Variants in LRBA observed in about 807,000 individuals in gnomAD.
The protein encoded by LRBA is lipopolysaccharide-responsive and beige-like anchor protein.
A neutral mutation model predicts 330.0 loss-of-function variants in LRBA; 176 were observed. That is an observed-to-expected ratio of 0.53 (90% confidence interval 0.47 to 0.60). The LOEUF (loss-of-function observed/expected upper bound fraction) is 0.60. Ranked by LOEUF, LRBA falls within the 20% of genes least tolerant of loss-of-function variation. The pLI, the probability that LRBA is intolerant of heterozygous loss-of-function variation, is 0.00. For missense variants in LRBA, 3,259 were observed against 3,444.8 expected (o/e 0.95, Z 1.35); for synonymous variants, 1,230 against 1,193.0 (o/e 1.03, Z -0.64).
intron 47 of LRBA, among the ~76,000 whole-genome samples, chr4:150,379,712 C>T (rs1250288119): frequency 3.3e-5 from 5 of 152,168 alleles, no homozygotes; most frequent in Non-Finnish European, 5.9e-5. Context: ...TGAATAACAT[C>T]TTCTGCTGCA....
At position 150,710,499 on chromosome 4, in the gene LRBA, T is replaced by C. The variant is rs143395213; in HGVS notation, c.5754+24759A>G. ...GATAATAAACAAATGCTAACAAAAA[T>C]AGGGGGAAGAGGTCCTCAGAAATAT... On this transcript the variant is annotated intron_variant, in intron 36 of 56. Transcript: ENST00000651943. Among the ~76,000 whole-genome samples the C allele has an allele frequency of 7.8e-3, 1,185 of 151,442 alleles. 9 individuals are homozygous for C. Among genetic ancestry groups the C allele is most frequent in the African/African-American group, 0.027 (1,119 of 41,296 alleles).
At chr4:150,474,820 C>T (rs953140819) in intron 42 of LRBA, among the ~76,000 whole-genome samples, 2 of 152,170 alleles carry the variant, frequency 1.3e-5, no homozygotes, top group Middle Eastern at 3.4e-3. Flanking sequence ...TCCAGTGTAA[C>T]GCTGAATAGA....
chr4:150,930,176 G>A (rs984131309), intron 2 of LRBA, among the ~76,000 whole-genome samples: 4 of 152,064 alleles, frequency 2.6e-5, no homozygotes, highest in East Asian at 1.9e-4. Flanking sequence ...TTAGCTGGGC[G>A]TGGTGGCATG....
chr4:150,296,297 T>A (rs1289093179), intron 53 of LRBA, among the ~76,000 whole-genome samples: 1 of 152,176 alleles, frequency 6.6e-6, no homozygotes, highest in African/African-American at 2.4e-5. Context: ...GTCTCTCAGT[T>A]GTGCAAAGTT....
intron 40 of LRBA, among the ~76,000 whole-genome samples, chr4:150,519,643 AG>A (rs1457550316): frequency 6.6e-6 from 1 of 152,204 alleles, no homozygotes. Context: ...CTAAGAATAA[AG>A]TTGATGTAAA....
At chr4:150,692,307 C>T (rs1784212431) in intron 36 of LRBA, among the ~76,000 whole-genome samples, 1 of 152,092 alleles carries the variant, frequency 6.6e-6, no homozygotes, top group Non-Finnish European at 1.5e-5. Context: ...AAACCTCAAT[C>T]TCTTGGGCTC....
At chr4:150,582,338 C>G (rs985723322) in intron 40 of LRBA, 1 of 151,856 alleles carries the variant, frequency 6.6e-6, no homozygotes, top group Non-Finnish European at 1.5e-5. Context: ...AAGAGGAAAA[C>G]TGCGATAACA....
At chr4:150,265,834 G>A in intron 56 of LRBA, 22 bp from the exon 57 acceptor site, 1 of 1,480,742 alleles carries the variant, frequency 6.8e-7, no homozygotes, top group Non-Finnish European at 9.4e-7. Flanking sequence ...ACAGAGAGAA[G>A]GACTTTTACA....
At chr4:150,733,288 T>C (rs1730728065) in intron 36 of LRBA, among the ~76,000 whole-genome samples, 1 of 152,050 alleles carries the variant, frequency 6.6e-6, no homozygotes, top group Non-Finnish European at 1.5e-5. Context: ...ATCCTGCCAA[T>C]GTTAATTTTC....
intron 47 of LRBA, among the ~76,000 whole-genome samples, chr4:150,380,585 A>C (rs951471101): frequency 5.3e-5 from 8 of 152,310 alleles, no homozygotes; most frequent in African/African-American, 1.9e-4. Flanking sequence ...AAAAAAAAAA[A>C]AATTGCAGTT....
At chr4:150,293,500 T>C (rs117879491) in intron 53 of LRBA, among the ~76,000 whole-genome samples, 6 of 152,318 alleles carry the variant, frequency 3.9e-5, no homozygotes, top group East Asian at 3.9e-4. Flanking sequence ...ATATAGACTA[T>C]AGATGATAAG....
chr4:150,391,197 G>A (rs1743871846), intron 47 of LRBA, among the ~76,000 whole-genome samples: 1 of 152,158 alleles, frequency 6.6e-6, no homozygotes, highest in Admixed American at 6.5e-5. Context: ...CGGGGTGACT[G>A]CAAAAGAACA....
chr4:150,433,704 A>G (rs1002241147), intron 46 of LRBA, among the ~76,000 whole-genome samples: 17 of 152,144 alleles, frequency 1.1e-4, no homozygotes, highest in African/African-American at 3.6e-4. Context: ...AAAGAGTTAC[A>G]TAAGTAATTA....
intron 40 of LRBA, among the ~76,000 whole-genome samples, chr4:150,538,825 A>AC (rs1707024094): frequency 6.6e-6 from 1 of 151,812 alleles, no homozygotes; most frequent in Non-Finnish European, 1.5e-5. Flanking sequence ...AAAAAAAAAA[A>AC]AAAAACAAAA....
At chr4:150,432,440 A>C (rs892149574) in intron 46 of LRBA, among the ~76,000 whole-genome samples, 1 of 141,590 alleles carries the variant, frequency 7.1e-6, no homozygotes, top group Non-Finnish European at 1.5e-5. Context: ...TATTACAGTA[A>C]TTTAAGTGTG....
At chr4:150,514,180 C>T (rs1762106520) in intron 40 of LRBA, among the ~76,000 whole-genome samples, 1 of 152,220 alleles carries the variant, frequency 6.6e-6, no homozygotes, top group African/African-American at 2.4e-5. Context: ...TCAAGTGATT[C>T]TCCTGCCTCA....
At chr4:150,424,158 A>G (rs1749222745) in intron 46 of LRBA, among the ~76,000 whole-genome samples, 1 of 152,220 alleles carries the variant, frequency 6.6e-6, no homozygotes, top group Non-Finnish European at 1.5e-5. Flanking sequence ...GAGGAGAGAG[A>G]TTATTAAGAT....
At chr4:150,525,703 A>C (rs1297724643) in intron 40 of LRBA, among the ~76,000 whole-genome samples, 1 of 152,182 alleles carries the variant, frequency 6.6e-6, no homozygotes, top group Non-Finnish European at 1.5e-5. Flanking sequence ...AACACCAATT[A>C]TGCAACACAT....
At chr4:150,623,809 T>C (rs192958946) in intron 37 of LRBA, among the ~76,000 whole-genome samples, 13 of 152,262 alleles carry the variant, frequency 8.5e-5, no homozygotes, top group Admixed American at 8.5e-4. Flanking sequence ...ATACAATTTA[T>C]CTAACAAAAA....
Sources: gnomAD v4.1 joint callset for allele counts (sites outside exome capture counted in the v4.1 genomes callset) on GRCh38, gnomAD v4.1.1 for gene constraint, MANE v1.5 for transcripts, NCBI Gene and HGNC (gene_info 2026-07-23, HGNC 2026-07-21) for gene names.